The following FGF14 variants were observed in gnomAD, a reference collection of about 807,000 sequenced individuals.
The protein encoded by FGF14 is fibroblast growth factor 14, also known as fibroblast growth factor homologous factor 4.
Under a neutral mutation model 25.5 loss-of-function variants are expected in FGF14, and 5 were observed. That is an observed-to-expected ratio of 0.20 (90% CI 0.10 to 0.41). The LOEUF (loss-of-function observed/expected upper bound fraction) is 0.41. FGF14 is among the 10% of genes least tolerant of loss of function. The pLI, the probability that FGF14 is intolerant of heterozygous loss-of-function variation, is 1.00. For synonymous variants in FGF14, 138 were observed against 118.3 expected, an observed-to-expected ratio of 1.17 and a Z score of -1.08; for missense variants, 222 against 320.1, an observed-to-expected ratio of 0.69 and a Z score of 2.34.
chr13:102,100,319 C>A (rs1293701486), intron 1 of FGF14, among the ~76,000 whole-genome samples: 1 of 152,166 alleles, frequency 6.6e-6, no homozygotes, highest in Non-Finnish European at 1.5e-5. Context: ...ACCCTCCCTA[C>A]AAGAGCATAC....
intron 1 of FGF14, 29 bp from the exon 2 acceptor site, chr13:101,875,325 C>T (rs778895882): frequency 1.4e-6 from 2 of 1,431,902 alleles, no homozygotes; most frequent in East Asian, 4.6e-5. Context: ...TATCATAAGC[C>T]TCACAATGTG....
intron 1 of FGF14, among the ~76,000 whole-genome samples, chr13:102,222,481 G>A (rs1183531004): frequency 2.0e-5 from 3 of 152,148 alleles, no homozygotes; most frequent in Admixed American, 1.3e-4. Flanking sequence ...GTTTGCCATC[G>A]CCAGCTTAAA....
At chr13:101,951,789 G>T (rs117644172) in intron 1 of FGF14, among the ~76,000 whole-genome samples, 59 of 152,248 alleles carry the variant, frequency 3.9e-4, no homozygotes, top group African/African-American at 1.2e-3. Flanking sequence ...CAGTGCAGCA[G>T]CATCATCATT....
intron 1 of FGF14, among the ~76,000 whole-genome samples, chr13:102,211,026 G>C (rs2050135936): frequency 6.6e-6 from 1 of 152,026 alleles, no homozygotes; most frequent in Non-Finnish European, 1.5e-5. Context: ...GACCACCTTT[G>C]TTTATTTCTC....
chr13:102,023,074 ACACAGCC>A (rs1349856601), intron 1 of FGF14, among the ~76,000 whole-genome samples: 4 of 149,522 alleles, frequency 2.7e-5, no homozygotes, highest in African/African-American at 1.0e-4. Flanking sequence ...ACACACACAC[ACACAGCC>A]AACAGCCACA....
intron 1 of FGF14, among the ~76,000 whole-genome samples, chr13:102,170,681 G>GA (rs1034885692): frequency 6.6e-6 from 1 of 152,020 alleles, no homozygotes; most frequent in Non-Finnish European, 1.5e-5. Context: ...TGAAAAACAT[G>GA]AAAAAACAAA....
intron 3 of FGF14, among the ~76,000 whole-genome samples, chr13:101,751,918 AAAC>A (rs2037308948): frequency 6.6e-6 from 1 of 152,146 alleles, no homozygotes; most frequent in African/African-American, 2.4e-5. Context: ...GAAAAAAACA[AAAC>A]AAAACAAAAA....
chr13:101,978,835 A>T (rs780886741), intron 1 of FGF14, among the ~76,000 whole-genome samples: 3 of 152,156 alleles, frequency 2.0e-5, no homozygotes, highest in Non-Finnish European at 4.4e-5. Flanking sequence ...GGAAGAGGAG[A>T]ATTAATTTCC....
At chr13:102,112,112 T>C (rs957542412) in intron 1 of FGF14, among the ~76,000 whole-genome samples, 1 of 152,228 alleles carries the variant, frequency 6.6e-6, no homozygotes, top group African/African-American at 2.4e-5. Flanking sequence ...AGTATTATTC[T>C]AGTACTTCAT....
At chr13:102,226,314 T>G (rs931590441) in intron 1 of FGF14, among the ~76,000 whole-genome samples, 2 of 152,130 alleles carry the variant, frequency 1.3e-5, no homozygotes, top group African/African-American at 4.8e-5. Context: ...CCTATCTCAC[T>G]AGAGTGTTGT....
intron 1 of FGF14, among the ~76,000 whole-genome samples, chr13:102,098,886 C>T (rs2044527717): frequency 6.6e-6 from 1 of 152,228 alleles, no homozygotes; most frequent in Admixed American, 6.5e-5. Flanking sequence ...TGTAAACACC[C>T]CAAGAAGAGA....
intron 1 of FGF14, among the ~76,000 whole-genome samples, chr13:102,042,983 G>A (rs2041813950): frequency 6.6e-6 from 1 of 152,092 alleles, no homozygotes; most frequent in Non-Finnish European, 1.5e-5. Flanking sequence ...AGAATCACTG[G>A]ACTAAAAAAT....
At chr13:101,913,207 G>T (rs1454560586) in intron 1 of FGF14, among the ~76,000 whole-genome samples, 1 of 152,198 alleles carries the variant, frequency 6.6e-6, no homozygotes, top group African/African-American at 2.4e-5. Flanking sequence ...AAAGGATAAG[G>T]ATTTGAAAGC....
At chr13:102,127,885 C>T (rs2046014365) in intron 1 of FGF14, among the ~76,000 whole-genome samples, 1 of 152,248 alleles carries the variant, frequency 6.6e-6, no homozygotes, top group Non-Finnish European at 1.5e-5. Flanking sequence ...TGGCAGCTAT[C>T]AGCTGTCTCT....
intron 1 of FGF14, among the ~76,000 whole-genome samples, chr13:101,941,134 C>T (rs552777215): frequency 6.6e-6 from 1 of 152,188 alleles, no homozygotes; most frequent in African/African-American, 2.4e-5. Flanking sequence ...TGTCTAGGAC[C>T]TTACAGCTCC....
In FGF14 at chr13:102,361,873, T is replaced by A. The variant is rs189914020; in HGVS notation, c.208+39598A>T. Among the ~76,000 whole-genome samples, 7 of 152,194 alleles carry A rather than the reference T, an allele frequency of 4.6e-5. No individual in the cohort carries two copies. In the East Asian group the frequency reaches 1.4e-3, roughly 29 times the overall value. The stretch of plus-strand genomic sequence containing the variant: ...GAACAAGATAGGATTTTTTTTTTAA[T>A]CTCTCAAATAACAGTGTGGACATGA... On this transcript the variant is annotated intron_variant, in intron 1 of 4. Transcript: ENST00000376131.
intron 3 of FGF14, among the ~76,000 whole-genome samples, chr13:101,743,557 T>C (rs1267132819): frequency 6.6e-6 from 1 of 152,206 alleles, no homozygotes; most frequent in East Asian, 1.9e-4. Flanking sequence ...CCCTCTTCTT[T>C]GAAGAACTGA....
intron 1 of FGF14, among the ~76,000 whole-genome samples, chr13:101,931,983 T>C (rs2034782969): frequency 2.0e-5 from 3 of 152,188 alleles, no homozygotes; most frequent in Admixed American, 2.0e-4. Flanking sequence ...ATAAGAACTT[T>C]CCCTAAAAGC....
At chr13:102,138,675 G>A (rs2046509307) in intron 1 of FGF14, among the ~76,000 whole-genome samples, 1 of 151,980 alleles carries the variant, frequency 6.6e-6, no homozygotes. Flanking sequence ...GGCCCTCAGT[G>A]TCCTGAACAG....
Sources: allele counts gnomAD v4.1 joint callset (sites outside exome capture counted in the v4.1 genomes callset), GRCh38; gene constraint gnomAD v4.1.1; transcripts MANE v1.5; gene names NCBI Gene and HGNC (gene_info 2026-07-23, HGNC 2026-07-21).